MBD1: variants seen among roughly 807,000 people sequenced by gnomAD.
The protein encoded by MBD1 is methyl-CpG-binding domain protein 1.
In MBD1, 25 loss-of-function variants were observed where a neutral mutation model predicts 82.6. The observed-to-expected ratio is 0.30, with a 90% CI of 0.22 to 0.42. The LOEUF is 0.42. Ranked by LOEUF, MBD1 falls within the 10% of genes least tolerant of loss-of-function variation. The pLI, the probability that MBD1 is intolerant of heterozygous loss-of-function variation, is 1.00. For missense variants in MBD1, 627 were observed against 819.6 expected, an observed-to-expected ratio of 0.76 and a Z score of 2.87; for synonymous variants, 301 against 303.7, an observed-to-expected ratio of 0.99 and a Z score of 0.09.
At position 50,281,392 on chromosome 18, in the gene MBD1, C is replaced by G; in HGVS notation, c.-55G>C. The stretch of plus-strand genomic sequence containing the variant: ...TTGGCACCAGGCCGGTATCTTCCGC[C>G]ACTCTAGGCCCGTGGACCCATGGCG... On this transcript the variant is annotated 5_prime_UTR_variant, in exon 1 of 17. Transcript: ENST00000269468. 1.5e-6 allele frequency: 1 copy of G among 677,232 alleles called. No individual in the cohort carries two copies. Among genetic ancestry groups the G allele is most frequent in the Non-Finnish European group, 2.6e-6 (1 of 381,894 alleles). The allele number at this position is 677,232 out of a possible 1,614,324, so 42.0% of individuals were successfully genotyped here. A position where few individuals can be genotyped will look rare whatever the true frequency, so the allele number is the denominator to read the frequency against.
At chr18:50,273,542 C>A in intron 12 of MBD1, 22 bp downstream of exon 12, 1 of 1,613,188 alleles carries the variant, frequency 6.2e-7, no homozygotes, top group Non-Finnish European at 8.5e-7. Flanking sequence ...GCTGGGAAGG[C>A]AGGACAGGGT....
intron 13 of MBD1, 74 bp downstream of exon 13, chr18:50,273,260 A>G: frequency 6.3e-7 from 1 of 1,587,012 alleles, no homozygotes. Context: ...CAAGAGAACC[A>G]TCATGGCTCA....
chr18:50,267,520 G>A, downstream of MBD1: 4 of 1,023,278 alleles, frequency 3.9e-6, no homozygotes, highest in Non-Finnish European at 5.9e-6. Context: ...ACCAGGGTCA[G>A]GATGTGGATC....
At chr18:50,271,246 T>C in intron 16 of MBD1, 1 of 1,399,596 alleles carries the variant, frequency 7.1e-7, no homozygotes, top group Non-Finnish European at 9.3e-7. Flanking sequence ...CTTCTTATAC[T>C]CAGGCTCTTG....
At chr18:50,272,233 G>GC (rs1200333203) in intron 15 of MBD1, among the ~76,000 whole-genome samples, 1 of 152,108 alleles carries the variant, frequency 6.6e-6, no homozygotes, top group African/African-American at 2.4e-5. Context: ...GCCCAGGCAA[G>GC]CCCAGCACCA....
In MBD1 at chr18:50,272,708, G is replaced by C. The variant is rs1232210734; in HGVS notation, c.1747C>G (p.Arg583Gly). The change falls in exon 15 of 17, where the codon CGC becomes GGC. Residue 583 changes from arginine to glycine, a missense_variant. Transcript: ENST00000269468. ...ITEIFSLGGTRFRDTAVWLPR... is the reference protein window; with the variant it reads ...ITEIFSLGGTGFRDTAVWLPR... ...AACCAGACTGCTGTATCTCGGAAGC[G>C]GGTTCCACCCAGGCTGAAAATCTCC... The C allele has an allele frequency of 1.2e-6, 2 of 1,614,006 alleles. No homozygotes were observed. Among genetic ancestry groups the C allele is most frequent in the East Asian group, 2.2e-5 (1 of 44,898 alleles).
intron 2 of MBD1, among the ~76,000 whole-genome samples, chr18:50,277,997 A>G (rs140272454): frequency 6.8e-4 from 104 of 152,382 alleles, no homozygotes; most frequent in Non-Finnish European, 1.2e-3. Context: ...CAGGGGATAC[A>G]TCCCAAGTTC....
At chr18:50,279,798 C>T in intron 2 of MBD1, 85 bp downstream of exon 2, 3 of 1,554,866 alleles carry the variant, frequency 1.9e-6, no homozygotes, top group African/African-American at 1.4e-5. Flanking sequence ...ATTTAAACTT[C>T]ATCCATAAAT....
chr18:50,276,072 A>G lies in MBD1; in HGVS notation c.517-91T>C, dbSNP rs570520580. The G allele has an allele frequency of 9.2e-6, 14 of 1,518,312 alleles. No individual in the cohort carries two copies. The South Asian group carries it at 1.5e-4, about 17-fold the overall frequency. 94.1% of individuals were successfully genotyped at this position (1,518,312 alleles called of 1,614,324 possible). On this transcript the variant is annotated intron_variant, in intron 6 of 16. Transcript: ENST00000269468. ...TGACCCTACATCAGCTGGCATCACC[A>G]TGAATTTTAGTCCCCCATTAGCCTC...
rs1463012173 is a variant in MBD1, at chr18:50,273,251, A to G, written c.1584+83T>C. 9 of 1,570,410 alleles carry G rather than the reference A, an allele frequency of 5.7e-6. No individual in the cohort carries two copies. The East Asian group carries it at 1.8e-4, about 32-fold the overall frequency. ...AATCAGCACATCTATTGCTCTGCTCAAGAGAACCATCATGGCTCATCATCA... is the reference window on the plus strand; with the variant it reads ...AATCAGCACATCTATTGCTCTGCTCGAGAGAACCATCATGGCTCATCATCA... On this transcript the variant is annotated intron_variant, in intron 13 of 16. Coordinates refer to ENST00000269468, the MANE Select transcript of MBD1 (RefSeq NM_015846.4).
intron 2 of MBD1, among the ~76,000 whole-genome samples, chr18:50,277,871 T>C (rs887202231): frequency 1.3e-5 from 2 of 152,244 alleles, no homozygotes; most frequent in African/African-American, 4.8e-5. Flanking sequence ...AAAACCTGAT[T>C]CTCTAAGCTC....
At chr18:50,267,435 G>T, downstream of MBD1, 1 of 603,320 alleles carries the variant, frequency 1.7e-6, no homozygotes, top group East Asian at 2.8e-5. Flanking sequence ...CCTAGGATGG[G>T]GGCAGATCAA....
chr18:50,281,613 G>A (rs898464913), upstream of MBD1: 1 of 454,964 alleles, frequency 2.2e-6, no homozygotes, highest in Non-Finnish European at 3.9e-6. Flanking sequence ...CCCTTAATAG[G>A]GAGGCTCCCG....
chr18:50,267,093 A>G, downstream of MBD1: 1 of 157,696 alleles, frequency 6.3e-6, no homozygotes, highest in South Asian at 1.7e-4. Context: ...CTGCTAATTT[A>G]AAAACAAATT....
rs748112107 is a variant in MBD1 at position 50,275,857 on chromosome 18, C to T, written c.641G>A (p.Arg214His). ...CACCCTTTCCACAATCCGGAGGCAG[C>T]GTCTCCGTTCACACTTGCAGAACAG... The part of the protein sequence containing the change: ...SGLFCKCERR[R>H]CLRIVERSRG... The change falls in exon 7 of 17, where the codon CGC becomes CAC. Residue 214 changes from arginine to histidine, a missense_variant. By Grantham distance (29) the Arg-to-His change is conservative. Transcript: ENST00000269468. The T allele has an allele frequency of 1.2e-5, 20 of 1,614,066 alleles. No individual in the cohort carries two copies. The highest frequency in any genetic ancestry group is 3.3e-5 in the South Asian group (3 of 91,088).
chr18:50,276,423 G>C lies in MBD1; in HGVS notation c.476-5C>G. ...GGTTGAAGGCAATTCTCTGTGCTGT[G>C]GGGAGGAAGAGGGAAGAAGAAAAGT... On this transcript the variant is annotated splice_polypyrimidine_tract_variant and splice_region_variant and intron_variant, in intron 5 of 16. Transcript: ENST00000269468. 6.2e-7 allele frequency: 1 copy of C among 1,613,998 alleles called. No individual in the cohort carries two copies. The highest frequency in any genetic ancestry group is 8.5e-7 in the Non-Finnish European group (1 of 1,179,906).
chr18:50,276,393 T>C lies in MBD1; in HGVS notation c.501A>G (p.Glu167=). 2 of 1,614,168 alleles carry C rather than the reference T, an allele frequency of 1.2e-6. No individual in the cohort carries two copies. The highest frequency in any genetic ancestry group is 1.7e-6 in the Non-Finnish European group (2 of 1,180,014). ...CRAQRIAFNR[E]QRMFKRVGCG... ...TTGTGCTTACCTTAAACATTCTCTG[T>C]TCCCGGTTGAAGGCAATTCTCTGTG... The change falls in exon 6 of 17, where the codon GAA becomes GAG. Residue 167 remains glutamate (E), a synonymous_variant. Transcript: ENST00000269468.
intron 15 of MBD1, 88 bp downstream of exon 15, chr18:50,272,589 G>A: frequency 1.4e-6 from 2 of 1,463,262 alleles, no homozygotes; most frequent in Non-Finnish European, 9.6e-7. Flanking sequence ...ACCACACCAT[G>A]CCAAACTGCC....
chr18:50,276,806 C>G (rs1262098724), intron 4 of MBD1, 26 bp downstream of exon 4: 1 of 1,614,232 alleles, frequency 6.2e-7, no homozygotes, highest in Non-Finnish European at 8.5e-7. Context: ...CCTCACCCAT[C>G]TGGCTCACCT....
Sources: gnomAD v4.1 joint callset for allele counts (sites outside exome capture counted in the v4.1 genomes callset) on GRCh38, gnomAD v4.1.1 for gene constraint, MANE v1.5 for transcripts, NCBI Gene and HGNC (gene_info 2026-07-23, HGNC 2026-07-21) for gene names.